SLC9A9: variants seen among roughly 807,000 people sequenced by gnomAD.
The protein encoded by SLC9A9 is sodium/hydrogen exchanger 9.
A neutral mutation model predicts 77.8 loss-of-function variants in SLC9A9; 62 were observed. That is an observed-to-expected ratio of 0.80 (90% CI 0.65 to 0.98). The LOEUF (loss-of-function observed/expected upper bound fraction) is 0.98, where lower values mean the gene tolerates loss of function less well. SLC9A9 is among the 50% of genes least tolerant of loss of function. SLC9A9 has a pLI of 0.00. For missense variants in SLC9A9, 775 were observed against 774.9 expected, an observed-to-expected ratio of 1.00 and a Z score of 0.00; for synonymous variants, 320 against 283.5, an observed-to-expected ratio of 1.13 and a Z score of -1.29.
At chr3:143,811,705 CAA>C (rs886339730) in intron 2 of SLC9A9, 1 of 453,978 alleles carries the variant, frequency 2.2e-6, no homozygotes, top group Admixed American at 2.4e-5. Flanking sequence ...AACAAAAAAA[CAA>C]AAAAATTAGC....
At chr3:143,632,313 A>G (rs1018582374) in intron 6 of SLC9A9, among the ~76,000 whole-genome samples, 2 of 152,160 alleles carry the variant, frequency 1.3e-5, no homozygotes, top group Non-Finnish European at 2.9e-5. Flanking sequence ...TGGAAAGGAG[A>G]GTGGCCTGGG....
intron 14 of SLC9A9, among the ~76,000 whole-genome samples, chr3:143,299,595 C>T (rs1349996135): frequency 6.6e-6 from 1 of 152,144 alleles, no homozygotes; most frequent in African/African-American, 2.4e-5. Context: ...AGGTGCCTGC[C>T]ACCTCATCTG....
chr3:143,768,080 C>A (rs1244036891), intron 4 of SLC9A9, among the ~76,000 whole-genome samples: 3 of 152,088 alleles, frequency 2.0e-5, no homozygotes, highest in Non-Finnish European at 4.4e-5. Context: ...TCTTTCTCAC[C>A]ACTTTCTTTT....
intron 4 of SLC9A9, among the ~76,000 whole-genome samples, chr3:143,772,737 C>G (rs961613888): frequency 6.6e-5 from 10 of 152,202 alleles, no homozygotes; most frequent in African/African-American, 2.4e-4. Context: ...TTGTGAAAAA[C>G]AGGTCACAGA....
chr3:143,719,042 C>T (rs544489701), intron 4 of SLC9A9, among the ~76,000 whole-genome samples: 7 of 152,052 alleles, frequency 4.6e-5, no homozygotes, highest in African/African-American at 1.5e-4. Context: ...TAATCTTAAA[C>T]GGATAAATGG....
At position 143,299,590 on chromosome 3, in the gene SLC9A9, C is replaced by T. The variant is rs149463351; in HGVS notation, c.1605-30610G>A. 5.7e-4 allele frequency among the ~76,000 whole-genome samples: 87 copies of T among 152,220 alleles called. 1 individual carries two copies. The East Asian group carries it at 0.016, about 28-fold the overall frequency. ...TCCCCAGTAGCTGGGACTACAGGTG[C>T]CTGCCACCTCATCTGGCTAATTTTT... On this transcript the variant is annotated intron_variant, in intron 14 of 15. Transcript: ENST00000316549.
At chr3:143,363,599 T>C (rs756003407) in intron 13 of SLC9A9, 36 bp from the exon 14 acceptor site, 11 of 1,563,088 alleles carry the variant, frequency 7.0e-6, no homozygotes, top group African/African-American at 1.4e-5. Context: ...ATTGGGTAAA[T>C]AGTCAAAAAG....
chr3:143,731,275 GA>G (rs1934797556), intron 4 of SLC9A9, among the ~76,000 whole-genome samples: 1 of 152,202 alleles, frequency 6.6e-6, no homozygotes, highest in African/African-American at 2.4e-5. Context: ...CAGCAGGGAG[GA>G]AGAAAGGTTG....
chr3:143,432,233 A>G (rs1206364933), intron 12 of SLC9A9, among the ~76,000 whole-genome samples: 1 of 152,176 alleles, frequency 6.6e-6, no homozygotes, highest in Non-Finnish European at 1.5e-5. Flanking sequence ...TAAGTGTGTG[A>G]ATAAATTGAT....
intron 2 of SLC9A9, among the ~76,000 whole-genome samples, chr3:143,804,480 A>C (rs1374814013): frequency 6.6e-6 from 1 of 152,194 alleles, no homozygotes; most frequent in Admixed American, 6.5e-5. Context: ...CTGCCGCCCT[A>C]GCTGGATCCC....
At chr3:143,427,568 T>TA (rs1381177779) in intron 12 of SLC9A9, among the ~76,000 whole-genome samples, 2 of 152,146 alleles carry the variant, frequency 1.3e-5, no homozygotes, top group African/African-American at 4.8e-5. Flanking sequence ...ATGCAATTTT[T>TA]AAAAAAATCA....
chr3:143,455,749 G>C (rs2035079370), intron 12 of SLC9A9, among the ~76,000 whole-genome samples: 1 of 150,398 alleles, frequency 6.6e-6, no homozygotes, highest in Non-Finnish European at 1.5e-5. Flanking sequence ...CTTGATTTTT[G>C]AGTACTGACC....
chr3:143,789,492 C>T (rs952237467), intron 4 of SLC9A9, among the ~76,000 whole-genome samples: 1 of 152,174 alleles, frequency 6.6e-6, no homozygotes, highest in African/African-American at 2.4e-5. Flanking sequence ...AAATCATTCT[C>T]TTTCCAGGGT....
intron 9 of SLC9A9, chr3:143,503,202 C>T (rs2035955307): frequency 5.2e-6 from 1 of 190,572 alleles, no homozygotes; most frequent in Non-Finnish European, 1.1e-5. Context: ...TTGGGGGGTA[C>T]TAAGTGGGGC....
At chr3:143,277,505 A>T (rs1938086432) in intron 14 of SLC9A9, among the ~76,000 whole-genome samples, 1 of 152,200 alleles carries the variant, frequency 6.6e-6, no homozygotes, top group African/African-American at 2.4e-5. Context: ...CCATGGTAAC[A>T]ATATAAATTT....
chr3:143,740,142 A>C (rs886590413), intron 4 of SLC9A9, among the ~76,000 whole-genome samples: 4 of 152,202 alleles, frequency 2.6e-5, no homozygotes, highest in African/African-American at 9.6e-5. Context: ...CAACTTGGTG[A>C]GAAGTAGCAA....
chr3:143,602,912 A>C (rs1271408837), intron 6 of SLC9A9, among the ~76,000 whole-genome samples: 2 of 152,262 alleles, frequency 1.3e-5, no homozygotes, highest in Non-Finnish European at 2.9e-5. Flanking sequence ...AAGAATGCTG[A>C]TGACCACATG....
At chr3:143,512,603 T>A (rs1044158724) in intron 9 of SLC9A9, among the ~76,000 whole-genome samples, 3 of 152,186 alleles carry the variant, frequency 2.0e-5, no homozygotes, top group Admixed American at 2.0e-4. Context: ...CATGGCTGGG[T>A]GCGGTGGCTC....
intron 4 of SLC9A9, among the ~76,000 whole-genome samples, chr3:143,746,839 A>C (rs1468417159): frequency 2.6e-5 from 4 of 152,202 alleles, no homozygotes; most frequent in Non-Finnish European, 2.9e-5. Flanking sequence ...TTAAACATAG[A>C]AAAAGGTGAC....
Sources: gnomAD v4.1 joint callset for allele counts (sites outside exome capture counted in the v4.1 genomes callset) on GRCh38, gnomAD v4.1.1 for gene constraint, MANE v1.5 for transcripts, NCBI Gene and HGNC (gene_info 2026-07-23, HGNC 2026-07-21) for gene names.